The following CCDC60 variants were observed in gnomAD, a reference collection of about 807,000 sequenced individuals.
CCDC60 encodes coiled-coil domain containing 60, also known as coiled-coil domain-containing protein 60.
Under a neutral mutation model 63.5 loss-of-function variants are expected in CCDC60, and 54 were observed. The observed-to-expected ratio is 0.85, with a 90% CI of 0.68 to 1.07. The LOEUF is 1.07. CCDC60 is among the 50% of genes least tolerant of loss of function. The probability of loss-of-function intolerance (pLI) is 0.00; values close to 1 mark genes in which losing one functional copy is unlikely to be tolerated. For missense variants in CCDC60, 651 were observed against 684.3 expected (o/e 0.95, Z 0.54); for synonymous variants, 206 against 238.8 (o/e 0.86, Z 1.27).
chr12:119,491,365 G>C (rs1007900398), intron 5 of CCDC60, among the ~76,000 whole-genome samples: 1 of 152,134 alleles, frequency 6.6e-6, no homozygotes, highest in Admixed American at 6.5e-5. Flanking sequence ...GTCTCGCTCT[G>C]TCGCCCAGGC....
chr12:119,540,703 C>T lies in CCDC60; in HGVS notation c.1641C>T (p.Ser547=), dbSNP rs146234047. ...TCAACATACCCATTGGGCCCTACAG[C>T]GCCCTGAGGTAGGCTGGGCCTGGGT... ...SRINIPIGPY[S]ALR The change falls in exon 14 of 14, where the codon AGC becomes AGT. Residue 547 remains serine, a synonymous_variant. Transcript: ENST00000327554. 96 of 1,612,574 alleles carry T rather than the reference C, an allele frequency of 6.0e-5. No homozygotes were observed. The highest frequency in any genetic ancestry group is 1.6e-4 in the African/African-American group (12 of 74,882).
At chr12:119,366,340 C>T (rs926160611) in intron 1 of CCDC60, among the ~76,000 whole-genome samples, 3 of 152,188 alleles carry the variant, frequency 2.0e-5, no homozygotes, top group Admixed American at 6.5e-5. Context: ...GATAACATGT[C>T]CCAGGTGACG....
In CCDC60 at chr12:119,540,777, A is replaced by G. The variant is rs929943055; in HGVS notation, c.*62A>G. On this transcript the variant is annotated 3_prime_UTR_variant, in exon 14 of 14. Coordinates refer to ENST00000327554, the MANE Select transcript of CCDC60 (RefSeq NM_178499.5). Reference sequence around the variant, plus strand: ...GTGTTTGCCTATATCATGTTCCTGTATCCTGCCTGTGTTCCTGCCTCCTGA... The same window carrying G: ...GTGTTTGCCTATATCATGTTCCTGTGTCCTGCCTGTGTTCCTGCCTCCTGA... 42 of 1,191,158 alleles carry G rather than the reference A, an allele frequency of 3.5e-5. No individual in the cohort carries two copies. Among genetic ancestry groups the G allele is most frequent in the Non-Finnish European group, 5.2e-5 (42 of 808,362 alleles). The allele number at this position is 1,191,158 out of a possible 1,614,324, so 73.8% of individuals were successfully genotyped here. A position where few individuals can be genotyped will look rare whatever the true frequency, so the allele number is the denominator to read the frequency against.
At chr12:119,501,164 A>T (rs1043389995) in intron 6 of CCDC60, among the ~76,000 whole-genome samples, 2 of 152,226 alleles carry the variant, frequency 1.3e-5, no homozygotes, top group African/African-American at 4.8e-5. Context: ...TTTAGTGAAG[A>T]ATCCCAGGAA....
At position 119,516,545 on chromosome 12, in the gene CCDC60, G is replaced by C. The variant is rs752849342; in HGVS notation, c.884-78G>C. ...CAGGAGCAGAGGTGACCCCAGTTTG[G>C]GGGGCTGCACCCTGTTCTGCACAAT... is the stretch of plus-strand genomic sequence containing the variant. On this transcript the variant is annotated intron_variant, in intron 7 of 13. Coordinates refer to ENST00000327554, the MANE Select transcript of CCDC60 (RefSeq NM_178499.5). 24 of 959,004 alleles carry C rather than the reference G, an allele frequency of 2.5e-5. No homozygotes were observed. The Middle Eastern group carries it at 1.2e-3, about 49-fold the overall frequency. The allele number at this position is 959,004 out of a possible 1,614,324, so 59.4% of individuals were successfully genotyped here. A position where few individuals can be genotyped will look rare whatever the true frequency, so the allele number is the denominator to read the frequency against.
intron 1 of CCDC60, among the ~76,000 whole-genome samples, chr12:119,350,891 C>G (rs1451572346): frequency 6.6e-6 from 1 of 152,176 alleles, no homozygotes; most frequent in Non-Finnish European, 1.5e-5. Flanking sequence ...ATCTGATCCC[C>G]AGGTTTCACA....
intron 8 of CCDC60, among the ~76,000 whole-genome samples, chr12:119,517,895 G>A (rs534176564): frequency 1.3e-5 from 2 of 152,334 alleles, no homozygotes; most frequent in South Asian, 4.1e-4. Context: ...ACAGCCTAGA[G>A]CCAGAGCTCC....
intron 2 of CCDC60, among the ~76,000 whole-genome samples, chr12:119,457,618 GT>G (rs1163338032): frequency 6.6e-6 from 1 of 152,186 alleles, no homozygotes; most frequent in Non-Finnish European, 1.5e-5. Context: ...TGGCAATCTT[GT>G]CCTATAAAGA....
At chr12:119,368,177 G>C (rs1955862115) in intron 1 of CCDC60, among the ~76,000 whole-genome samples, 1 of 122,870 alleles carries the variant, frequency 8.1e-6, no homozygotes, top group Non-Finnish European at 1.7e-5. Flanking sequence ...GGAAGGGGAG[G>C]AGGAGAAAAA....
chr12:119,346,774 CTCT>C (rs1955597568), intron 1 of CCDC60, among the ~76,000 whole-genome samples: 1 of 125,296 alleles, frequency 8.0e-6, no homozygotes, highest in Non-Finnish European at 1.6e-5. Flanking sequence ...ACTCATCTTT[CTCT>C]TTCTTTCTTT....
At chr12:119,345,687 G>A (rs892748062) in intron 1 of CCDC60, among the ~76,000 whole-genome samples, 2 of 152,022 alleles carry the variant, frequency 1.3e-5, no homozygotes, top group African/African-American at 2.4e-5. Flanking sequence ...GGTTTTTCAC[G>A]GCAATATCTT....
rs1369405567 is a variant in CCDC60, at chr12:119,500,166, A to G, written c.646A>G (p.Lys216Glu). 6.2e-7 allele frequency: 1 copy of G among 1,606,400 alleles called. No individual in the cohort carries two copies. The change falls in exon 6 of 14, where the codon AAG becomes GAG. Residue 216 changes from lysine to glutamate, a missense_variant and splice_region_variant. By Grantham distance (56) the Lys-to-Glu change is moderately conservative. Transcript: ENST00000327554. ...QKWEHFITAP[K>E]TKKFKIPTMR... ...ATGGGAGCATTTCATCACAGCGCCA[A>G]AGGTAACCAACAACACGCGACTCAA...
chr12:119,463,972 T>C (rs1282216881), intron 2 of CCDC60, among the ~76,000 whole-genome samples: 1 of 151,994 alleles, frequency 6.6e-6, no homozygotes, highest in Non-Finnish European at 1.5e-5. Context: ...CCTTCTTTCC[T>C]CTCTTCCTTT....
chr12:119,419,068 G>C (rs1453389878), intron 1 of CCDC60, among the ~76,000 whole-genome samples: 1 of 152,212 alleles, frequency 6.6e-6, no homozygotes, highest in Non-Finnish European at 1.5e-5. Flanking sequence ...TTTCTGCCTT[G>C]TGCTTGGGCT....
chr12:119,338,852 TA>T (rs34537725), intron 1 of CCDC60, among the ~76,000 whole-genome samples: 122 of 152,268 alleles, frequency 8.0e-4, no homozygotes, highest in Non-Finnish European at 1.5e-3. Context: ...CCCTGCATAC[TA>T]GTATAATGAA....
At chr12:119,396,340 G>A (rs1416932128) in intron 1 of CCDC60, among the ~76,000 whole-genome samples, 3 of 152,150 alleles carry the variant, frequency 2.0e-5, no homozygotes, top group Admixed American at 6.5e-5. Context: ...AACATATAAG[G>A]TCCCATTCTG....
At chr12:119,348,977 T>C (rs1955625968) in intron 1 of CCDC60, among the ~76,000 whole-genome samples, 1 of 152,230 alleles carries the variant, frequency 6.6e-6, no homozygotes, top group Non-Finnish European at 1.5e-5. Context: ...CCTTGTGCCA[T>C]GCAAACCCCT....
Position 119,500,161 on chromosome 12 carries a change from CG to C in CCDC60, c.642del (p.Pro215GlnfsTer27). ...CAGAAATGGGAGCATTTCATCACAG[CG>C]CCAAAGGTAACCAACAACACGCGAC... ...MGQKWEHFIT[A>X]PKTKKFKIPT... is the part of the protein sequence containing the mutation. On this transcript the variant is annotated frameshift_variant, in exon 6 of 14. Transcript: ENST00000327554. LOFTEE classifies it high-confidence loss of function. 1 of 1,607,572 alleles carries C rather than the reference CG, an allele frequency of 6.2e-7. No homozygotes were observed. The highest frequency in any genetic ancestry group is 8.5e-7 in the Non-Finnish European group (1 of 1,175,910).
chr12:119,500,277 T>TCAA lies in CCDC60; in HGVS notation c.648+110_648+111insAAC, dbSNP rs1369779466. On this transcript the variant is annotated intron_variant, in intron 6 of 13. Coordinates refer to ENST00000327554, the MANE Select transcript of CCDC60 (RefSeq NM_178499.5). ...TGGGAATTTTTTTTTCCTAGTTGGT[T>TCAA]CTCGGAGTGAAGGGAAGTCAGAGCC... 9.4e-6 allele frequency: 7 copies of TCAA among 744,542 alleles called. No homozygotes were observed. The African/African-American group carries it at 1.3e-4, about 14-fold the overall frequency. The allele number at this position is 744,542 out of a possible 1,614,324, so 46.1% of individuals were successfully genotyped here.
Sources: allele counts gnomAD v4.1 joint callset (sites outside exome capture counted in the v4.1 genomes callset), GRCh38; gene constraint gnomAD v4.1.1; transcripts MANE v1.5; gene names NCBI Gene and HGNC (gene_info 2026-07-23, HGNC 2026-07-21).